FMR1: variants seen among roughly 807,000 people sequenced by gnomAD.
The protein encoded by FMR1 is fragile X messenger ribonucleoprotein 1.
In FMR1, 13 loss-of-function variants were observed where a neutral mutation model predicts 50.6. The observed-to-expected ratio is 0.26, with a 90% CI of 0.17 to 0.41. The LOEUF (loss-of-function observed/expected upper bound fraction) is 0.41, where lower values mean the gene tolerates loss of function less well. Ranked by LOEUF, FMR1 falls within the 10% of genes least tolerant of loss-of-function variation. The pLI is 1.00. For missense variants in FMR1, 316 were observed against 491.3 expected (o/e 0.64, Z 3.37); for synonymous variants, 138 against 164.1 (o/e 0.84, Z 1.22).
intron 2 of FMR1, among the ~76,000 whole-genome samples, chrX:147,922,715 ACT>A (rs1486343156): frequency 9.9e-5 from 11 of 111,503 alleles, no homozygotes; most frequent in African/African-American, 3.3e-4. Context: ...ATTTTACTAA[ACT>A]CTGATGGATG....
chrX:147,943,348 C>A, intron 14 of FMR1, 22 bp downstream of exon 14: 1 of 1,153,025 alleles, frequency 8.7e-7, no homozygotes, highest in Non-Finnish European at 1.2e-6. Flanking sequence ...GCATTTTACT[C>A]AGTAACTTTA....
chrX:147,943,041 C>A, intron 13 of FMR1, 90 bp from the exon 14 acceptor site: 2 of 731,125 alleles, frequency 2.7e-6, no homozygotes, highest in South Asian at 2.4e-5. Context: ...TTGAAATATT[C>A]CAGTATATTT....
intron 16 of FMR1, 129 bp from the exon 17 acceptor site, chrX:147,948,554 T>C (rs1276674509): frequency 8.7e-7 from 1 of 1,148,664 alleles, no homozygotes; most frequent in Non-Finnish European, 1.2e-6. Flanking sequence ...CTTGCACTTC[T>C]TCTGTTCTCA....
At chrX:147,944,742 T>C (rs1187250965) in intron 14 of FMR1, 127 bp from the exon 15 acceptor site, 15 of 1,084,368 alleles carry the variant, frequency 1.4e-5, no homozygotes, top group African/African-American at 2.0e-5. Flanking sequence ...GTGATAATAC[T>C]CTTTGTGGGC....
intron 9 of FMR1, chrX:147,933,610 C>T (rs1270943396): frequency 1.2e-6 from 1 of 857,689 alleles, no homozygotes; most frequent in Non-Finnish European, 1.4e-6. Context: ...TTTAGTAGAA[C>T]ATATCAAAAC....
intron 14 of FMR1, chrX:147,943,622 T>C (rs2044079644): frequency 6.6e-6 from 2 of 302,738 alleles, no homozygotes; most frequent in African/African-American, 5.4e-5. Context: ...TAGTCAAAAC[T>C]TTTTTCATTT....
chrX:147,950,788 G>T lies in FMR1; in HGVS notation c.*1944G>T, dbSNP rs1221264773. ...TTAGCCTTTATCTACCAACTTTCAAGAACTTGTTTAATAAAGCGAAAAACT... is the reference window on the plus strand; with the variant it reads ...TTAGCCTTTATCTACCAACTTTCAATAACTTGTTTAATAAAGCGAAAAACT... On this transcript the variant is annotated 3_prime_UTR_variant, in exon 17 of 17. Transcript: ENST00000370475. The T allele has an allele frequency of 1.6e-5, 5 of 307,490 alleles. No individual in the cohort carries two copies. Among genetic ancestry groups the T allele is most frequent in the Non-Finnish European group, 2.5e-5 (4 of 161,858 alleles). 25.3% of individuals were successfully genotyped at this position (307,490 alleles called of 1,213,427 possible). A position where few individuals can be genotyped will look rare whatever the true frequency, so the allele number is the denominator to read the frequency against.
At chrX:147,942,339 A>T (rs2044036396) in intron 13 of FMR1, among the ~76,000 whole-genome samples, 1 of 112,467 alleles carries the variant, frequency 8.9e-6, no homozygotes, top group Non-Finnish European at 1.9e-5. Flanking sequence ...GACAGTGGTT[A>T]GAAATGAGGT....
At chrX:147,926,436 A>G in intron 3 of FMR1, among the ~76,000 whole-genome samples, 1 of 111,542 alleles carries the variant, frequency 9.0e-6, no homozygotes, top group Non-Finnish European at 1.9e-5. Flanking sequence ...CTAAGTAGAC[A>G]TTTGTGCAGG....
rs1557182884 is a variant in FMR1, at chrX:147,949,272, T to C, written c.*428T>C. 1 of 328,404 alleles carries C rather than the reference T, an allele frequency of 3.0e-6. No individual in the cohort carries two copies. The allele number at this position is 328,404 out of a possible 1,213,427, so 27.1% of individuals were successfully genotyped here. ...GAAGTCTTCATGAAATGCTATGTCA[T>C]TTCATGTCCTGTGTCAGTTTATGTT... On this transcript the variant is annotated 3_prime_UTR_variant, in exon 17 of 17. Transcript: ENST00000370475.
At chrX:147,918,555 CTTTTTTT>C (rs368581020) in intron 1 of FMR1, among the ~76,000 whole-genome samples, 28 of 47,278 alleles carry the variant, frequency 5.9e-4, no homozygotes, top group Middle Eastern at 0.034. Context: ...CCTGCAAAAG[CTTTTTTT>C]TTTTTTTTTT....
intron 3 of FMR1, 124 bp downstream of exon 3, chrX:147,925,757 A>G (rs1390196242): frequency 1.3e-5 from 7 of 523,301 alleles, no homozygotes; most frequent in Non-Finnish European, 2.4e-5. Context: ...GCTGGAATGG[A>G]CACGTGCTTT....
chrX:147,918,950 A>G (rs782493322), intron 1 of FMR1, among the ~76,000 whole-genome samples: 1 of 111,332 alleles, frequency 9.0e-6, no homozygotes, highest in Non-Finnish European at 1.9e-5. Flanking sequence ...AGTTTTAGAC[A>G]AGGGCAGTAG....
Position 147,950,814 on chromosome X carries a change from C to G in FMR1, c.*1970C>G, listed in dbSNP as rs958684316. 6.2e-5 allele frequency: 19 copies of G among 305,751 alleles called. No homozygotes were observed. Among genetic ancestry groups the G allele is most frequent in the Non-Finnish European group, 1.1e-4 (17 of 161,298 alleles). The allele number at this position is 305,751 out of a possible 1,213,427, so 25.2% of individuals were successfully genotyped here. A position where few individuals can be genotyped will look rare whatever the true frequency, so the allele number is the denominator to read the frequency against. ...AACTTGTTTAATAAAGCGAAAAACT[C>G]AACCAAATGGTACAAAACCACAGTG... On this transcript the variant is annotated 3_prime_UTR_variant, in exon 17 of 17. Coordinates refer to ENST00000370475, the MANE Select transcript of FMR1 (RefSeq NM_002024.6).
In FMR1 at chrX:147,930,447, A is replaced by G. The variant is rs782014719; in HGVS notation, c.630+203A>G. On this transcript the variant is annotated intron_variant, in intron 7 of 16. Transcript: ENST00000370475. ...TTCAAAATTAAACAGCAGCTTATGT[A>G]TATTAAGGGACTTCTGGTACTTTCA... is the stretch of plus-strand genomic sequence containing the variant. Among the ~76,000 whole-genome samples the G allele has an allele frequency of 2.7e-5, 3 of 112,134 alleles. No individual in the cohort carries two copies. The South Asian group carries it at 1.1e-3, about 41-fold the overall frequency.
At chrX:147,948,626 A>C (rs782652591) in intron 16 of FMR1, 57 bp from the exon 17 acceptor site, 2 of 1,207,917 alleles carry the variant, frequency 1.7e-6, no homozygotes, top group African/African-American at 3.5e-5. Flanking sequence ...TTGTCAGGCC[A>C]ATTACAGATT....
In FMR1 at chrX:147,944,815, C is replaced by T. The variant is rs201222531; in HGVS notation, c.1472-54C>T. 1.5e-4 allele frequency: 162 copies of T among 1,045,286 alleles called. 1 individual carries two copies. Among genetic ancestry groups the T allele is most frequent in the Admixed American group, 5.0e-4 (17 of 33,902 alleles). 86.1% of individuals were successfully genotyped at this position (1,045,286 alleles called of 1,213,427 possible). A position where few individuals can be genotyped will look rare whatever the true frequency, so the allele number is the denominator to read the frequency against. On this transcript the variant is annotated intron_variant, in intron 14 of 16. Coordinates refer to ENST00000370475, the MANE Select transcript of FMR1 (RefSeq NM_002024.6). ...GTCTCTGGAAGCTTCTGTTAACCCT[C>T]TTTTTTTTTTTTTTAAAGTCAGACA...
Position 147,950,132 on chromosome X carries a change from A to T in FMR1, c.*1288A>T, listed in dbSNP as rs1557183291. The T allele has an allele frequency of 3.1e-6, 1 of 324,416 alleles. No homozygotes were observed. Among genetic ancestry groups the T allele is most frequent in the Non-Finnish European group, 5.9e-6 (1 of 168,661 alleles). 26.7% of individuals were successfully genotyped at this position (324,416 alleles called of 1,213,427 possible). A position where few individuals can be genotyped will look rare whatever the true frequency, so the allele number is the denominator to read the frequency against. On this transcript the variant is annotated 3_prime_UTR_variant, in exon 17 of 17. Transcript: ENST00000370475. Reference sequence around the variant, plus strand: ...GAGGAAAAATATGTGAAGGACCTTCACTCTAAGATGTTATATTTTTCTTAA... The same window carrying T: ...GAGGAAAAATATGTGAAGGACCTTCTCTCTAAGATGTTATATTTTTCTTAA...
intron 13 of FMR1, 147 bp downstream of exon 13, chrX:147,940,809 G>A: frequency 9.2e-6 from 4 of 433,909 alleles, no homozygotes; most frequent in South Asian, 7.7e-5. Context: ...TACGTTGTTT[G>A]GCTTATAATT....
Sources: allele counts gnomAD v4.1 joint callset (sites outside exome capture counted in the v4.1 genomes callset), GRCh38; gene constraint gnomAD v4.1.1; transcripts MANE v1.5; gene names NCBI Gene and HGNC (gene_info 2026-07-23, HGNC 2026-07-21).